The following BARD1 variants were observed in gnomAD, a reference collection of about 807,000 sequenced individuals.
The protein encoded by BARD1 is BRCA1-associated RING domain protein 1.
BARD1 carries 73 observed loss-of-function variants against 77.0 expected under a neutral mutation model. The observed-to-expected ratio is 0.95, with a 90% CI of 0.79 to 1.15. The LOEUF (loss-of-function observed/expected upper bound fraction) is 1.15, where lower values mean the gene tolerates loss of function less well. Among genes scored for constraint, BARD1 ranks in the 50% most tolerant of loss-of-function variants. The pLI, the probability that BARD1 is intolerant of heterozygous loss-of-function variation, is 0.00. For synonymous variants in BARD1, 384 were observed against 338.0 expected, an observed-to-expected ratio of 1.14 and a Z score of -1.49; for missense variants, 993 against 938.8, an observed-to-expected ratio of 1.06 and a Z score of -0.75.
At chr2:214,781,636 C>A in intron 3 of BARD1, 127 bp from the exon 4 acceptor site, 1 of 724,060 alleles carries the variant, frequency 1.4e-6, no homozygotes, top group Non-Finnish European at 2.3e-6. Flanking sequence ...TCTTTCTCAG[C>A]TCCTAGAGTG....
rs377227840 is a variant in BARD1 at position 214,730,439 on chromosome 2, C to G, written c.1973G>C (p.Arg658Pro). The G allele has an allele frequency of 6.2e-7, 1 of 1,613,794 alleles. No individual in the cohort carries two copies. The highest frequency in any genetic ancestry group is 8.5e-7 in the Non-Finnish European group (1 of 1,179,798). Reference sequence around the variant, plus strand: ...CTGTTCTCTGTTGAGCCTGCTTCTGCGTGGACCTTCAGGAATTTCATACTT... The same window carrying G: ...CTGTTCTCTGTTGAGCCTGCTTCTGGGTGGACCTTCAGGAATTTCATACTT... Reference protein sequence around the residue: ...EEKYEIPEGPRRSRLNREQLL... With the variant: ...EEKYEIPEGPPRSRLNREQLL... The change falls in exon 10 of 11, where the codon CGC becomes CCC. Residue 658 changes from arginine to proline, a missense_variant. Physicochemically the swap from Arg to Pro is moderately radical, Grantham distance 103 (BLOSUM62 -2). Coordinates refer to ENST00000260947, the MANE Select transcript of BARD1 (RefSeq NM_000465.4).
intron 9 of BARD1, among the ~76,000 whole-genome samples, chr2:214,736,259 G>A (rs1313426845): frequency 6.6e-6 from 1 of 151,968 alleles, no homozygotes; most frequent in Non-Finnish European, 1.5e-5. Context: ...CACTGCCAGT[G>A]TGCTGGAATT....
rs1281227184 is a variant in BARD1 at position 214,745,804 on chromosome 2, C to A, written c.1728G>T (p.Gly576=). ...RDGPLVLIGS[G]LSSEQQKMLS... The stretch of plus-strand genomic sequence containing the variant: ...GCATTTTCTGTTGTTCTGAAGACAG[C>A]CCACTGCCTATAAGTACAAGAGGTC... The change falls in exon 8 of 11, where the codon GGG becomes GGT. Residue 576 remains glycine (G), a synonymous_variant. Transcript: ENST00000260947. The A allele has an allele frequency of 6.2e-7, 1 of 1,613,814 alleles. No individual in the cohort carries two copies. The highest frequency in any genetic ancestry group is 2.2e-5 in the East Asian group (1 of 44,848).
Position 214,729,077 on chromosome 2 carries a change from T to G in BARD1, c.2002-69A>C. 4 of 1,436,738 alleles carry G rather than the reference T, an allele frequency of 2.8e-6. No individual in the cohort carries two copies. The South Asian group carries it at 4.9e-5, about 17-fold the overall frequency. The allele number at this position is 1,436,738 out of a possible 1,614,324, so 89.0% of individuals were successfully genotyped here. A position where few individuals can be genotyped will look rare whatever the true frequency, so the allele number is the denominator to read the frequency against. The stretch of plus-strand genomic sequence containing the variant: ...TGTATTCAAAAACACTGTATATGAA[T>G]GAGGAAAATAAAAATACAAGTTGAA... On this transcript the variant is annotated intron_variant, in intron 10 of 10. Transcript: ENST00000260947.
chr2:214,764,783 G>A (rs1234629939), intron 6 of BARD1, among the ~76,000 whole-genome samples: 2 of 152,194 alleles, frequency 1.3e-5, no homozygotes, highest in African/African-American at 2.4e-5. Context: ...CTGAAAAGGA[G>A]GAGAACAGTC....
At chr2:214,738,366 C>T (rs1692659864) in intron 9 of BARD1, among the ~76,000 whole-genome samples, 1 of 152,110 alleles carries the variant, frequency 6.6e-6, no homozygotes, top group African/African-American at 2.4e-5. Flanking sequence ...AACCCAAAGT[C>T]ATTAAGGTAG....
chr2:214,763,556 C>G (rs1694056656), intron 6 of BARD1, among the ~76,000 whole-genome samples: 1 of 152,034 alleles, frequency 6.6e-6, no homozygotes, highest in Non-Finnish European at 1.5e-5. Context: ...TTACAGTAAG[C>G]AAAAAGGACT....
chr2:214,767,707 G>A (rs1281662644), intron 5 of BARD1, 53 bp from the exon 6 acceptor site: 10 of 1,496,690 alleles, frequency 6.7e-6, no homozygotes, highest in Non-Finnish European at 9.3e-6. Context: ...AAGAGCAATG[G>A]ATGATATTAT....
intron 7 of BARD1, among the ~76,000 whole-genome samples, chr2:214,748,538 A>G (rs1391581543): frequency 6.6e-6 from 1 of 152,162 alleles, no homozygotes; most frequent in African/African-American, 2.4e-5. Context: ...AAAAAATTAA[A>G]AAGGTAAACA....
rs1057521833 is a variant in BARD1, at chr2:214,792,283, G to A, written c.364+14C>T. On this transcript the variant is annotated intron_variant, in intron 3 of 10. Transcript: ENST00000260947. ...CTGATGAATTTAACTAAGAGAGATA[G>A]GGATAGTTCTTACCTGACAGCTCAT... The A allele has an allele frequency of 6.2e-7, 1 of 1,612,234 alleles. No individual in the cohort carries two copies. The highest frequency in any genetic ancestry group is 2.2e-5 in the East Asian group (1 of 44,820).
intron 3 of BARD1, among the ~76,000 whole-genome samples, chr2:214,791,500 C>G (rs1695511302): frequency 6.6e-6 from 1 of 152,178 alleles, no homozygotes; most frequent in Non-Finnish European, 1.5e-5. Flanking sequence ...AAAGACAACT[C>G]TAATATCCAA....
chr2:214,737,693 C>T (rs577494157), intron 9 of BARD1, among the ~76,000 whole-genome samples: 1 of 152,226 alleles, frequency 6.6e-6, no homozygotes, highest in East Asian at 1.9e-4. Flanking sequence ...GATACATTAT[C>T]AATGCACTGG....
chr2:214,770,962 G>A (rs780150588), intron 4 of BARD1, among the ~76,000 whole-genome samples: 4 of 152,170 alleles, frequency 2.6e-5, no homozygotes, highest in East Asian at 1.9e-4. Context: ...TACATATTAC[G>A]TTTTAAGTAT....
chr2:214,744,297 G>C (rs1692992275), intron 9 of BARD1, among the ~76,000 whole-genome samples: 1 of 152,100 alleles, frequency 6.6e-6, no homozygotes, highest in South Asian at 2.1e-4. Context: ...AACTAAAGTA[G>C]TAAAAGGCAG....
intron 9 of BARD1, among the ~76,000 whole-genome samples, chr2:214,734,984 G>C (rs1255212811): frequency 2.0e-5 from 3 of 152,060 alleles, no homozygotes; most frequent in Non-Finnish European, 4.4e-5. Flanking sequence ...GGAAATACAG[G>C]GTTACATTTC....
intron 9 of BARD1, among the ~76,000 whole-genome samples, chr2:214,739,457 T>C (rs1376711027): frequency 6.6e-6 from 1 of 152,116 alleles, no homozygotes; most frequent in African/African-American, 2.4e-5. Flanking sequence ...AACAAGTGTT[T>C]TGCAAATGAT....
intron 7 of BARD1, among the ~76,000 whole-genome samples, chr2:214,746,890 A>G (rs1352015330): frequency 6.6e-6 from 1 of 152,186 alleles, no homozygotes; most frequent in African/African-American, 2.4e-5. Flanking sequence ...CTGCACAGCA[A>G]AAGAAACTAC....
intron 1 of BARD1, among the ~76,000 whole-genome samples, chr2:214,803,841 C>A (rs1053504312): frequency 6.6e-6 from 1 of 152,282 alleles, no homozygotes; most frequent in East Asian, 1.9e-4. Flanking sequence ...GGAGGGGCAA[C>A]CCACCCCTTC....
chr2:214,808,491 G>GT (rs1696382968), intron 1 of BARD1, among the ~76,000 whole-genome samples: 1 of 70,398 alleles, frequency 1.4e-5, no homozygotes, highest in East Asian at 5.4e-4. Flanking sequence ...AGAAATCAAA[G>GT]GGGAAAAAAG....
Sources: allele counts gnomAD v4.1 joint callset (sites outside exome capture counted in the v4.1 genomes callset), GRCh38; gene constraint gnomAD v4.1.1; transcripts MANE v1.5; gene names NCBI Gene and HGNC (gene_info 2026-07-23, HGNC 2026-07-21).